OVCH2: variants seen among roughly 807,000 people sequenced by gnomAD.
OVCH2 encodes the protein ovochymase-2.
OVCH2 carries 88 observed loss-of-function variants against 73.7 expected under a neutral mutation model. The ratio of observed to expected loss-of-function variants is 1.19; its 90% CI spans 1.01 to 1.43. The LOEUF is 1.43. Among genes scored for constraint, OVCH2 ranks in the 40% most tolerant of loss-of-function variants. OVCH2 has a pLI of 0.00. For synonymous variants in OVCH2, 265 were observed against 234.5 expected, an observed-to-expected ratio of 1.13 and a Z score of -1.19; for missense variants, 706 against 674.5, an observed-to-expected ratio of 1.05 and a Z score of -0.52.
In OVCH2 at chr11:7,696,744, G is replaced by A. The variant is rs749460378; in HGVS notation, c.981C>T (p.Phe327=). 6.2e-7 allele frequency: 1 copy of A among 1,613,272 alleles called. No individual in the cohort carries two copies. The highest frequency in any genetic ancestry group is 8.5e-7 in the Non-Finnish European group (1 of 1,179,616). The change falls in exon 9 of 16, where the codon TTC becomes TTT. Residue 327 remains phenylalanine (F), a synonymous_variant. Coordinates refer to ENST00000533663, the MANE Select transcript of OVCH2 (RefSeq NM_198185.7). The stretch of plus-strand genomic sequence containing the variant: ...CATAATATAGGTGGAGGCTTTCTGG[G>A]AAGTGCAGCTTCCCCTCAGCCCCGC... ...IVSGAEGKLH[F]PESLHLYYES...
At chr11:7,686,576 A>G (rs935383383), downstream of OVCH2, among the ~76,000 whole-genome samples, 1 of 152,206 alleles carries the variant, frequency 6.6e-6, no homozygotes, top group Non-Finnish European at 1.5e-5. Context: ...AGAGAAAAAG[A>G]AGCACTCATT....
At chr11:7,685,385 T>C (rs745403604), downstream of OVCH2, among the ~76,000 whole-genome samples, 5 of 152,176 alleles carry the variant, frequency 3.3e-5, no homozygotes, top group Non-Finnish European at 7.3e-5. Context: ...TAAGTGGAAC[T>C]TGGGTGTTAT....
chr11:7,701,589 T>C, intron 5 of OVCH2, 114 bp from the exon 6 acceptor site: 3 of 1,467,610 alleles, frequency 2.0e-6, no homozygotes, highest in Non-Finnish European at 1.8e-6. Flanking sequence ...AAGTACAATG[T>C]GACATTCCCT....
At chr11:7,690,833 C>T (rs1856206614) in intron 14 of OVCH2, among the ~76,000 whole-genome samples, 1 of 152,016 alleles carries the variant, frequency 6.6e-6, no homozygotes, top group African/African-American at 2.4e-5. Context: ...TGGCCCCAAG[C>T]ATAGTGCTGA....
intron 12 of OVCH2, among the ~76,000 whole-genome samples, chr11:7,692,926 A>G (rs1464643311): frequency 1.3e-5 from 2 of 152,202 alleles, no homozygotes; most frequent in Non-Finnish European, 2.9e-5. Flanking sequence ...TTGCTATCTT[A>G]AAAACTTGGC....
chr11:7,700,773 C>G (rs1420171625), intron 6 of OVCH2, among the ~76,000 whole-genome samples: 1 of 152,104 alleles, frequency 6.6e-6, no homozygotes, highest in African/African-American at 2.4e-5. Context: ...GAAGTCTTGG[C>G]CAGCAATGAG....
chr11:7,696,952 G>A (rs1275086602), intron 8 of OVCH2, 153 bp from the exon 9 acceptor site: 1 of 681,826 alleles, frequency 1.5e-6, no homozygotes, highest in East Asian at 2.7e-5. Flanking sequence ...CTTCTATGAT[G>A]CCTTTTTGGT....
chr11:7,704,476 C>A, intron 2 of OVCH2, 89 bp downstream of exon 2: 2 of 854,316 alleles, frequency 2.3e-6, no homozygotes, highest in South Asian at 1.9e-5. Context: ...AGGCTGTAGG[C>A]TCCTCAAAGA....
intron 15 of OVCH2, 35 bp from the exon 16 acceptor site, chr11:7,689,637 A>G (rs894109197): frequency 5.9e-6 from 3 of 507,576 alleles, no homozygotes; most frequent in Non-Finnish European, 1.1e-5. Flanking sequence ...CTCTGCCTTC[A>G]TCATTACACG....
intron 8 of OVCH2, among the ~76,000 whole-genome samples, chr11:7,697,284 C>T (rs1856356014): frequency 6.6e-6 from 1 of 152,224 alleles, no homozygotes; most frequent in Non-Finnish European, 1.5e-5. Context: ...TCAAGCGATC[C>T]TCCCACCTGA....
At chr11:7,687,559 T>C (rs143267590), downstream of OVCH2, among the ~76,000 whole-genome samples, 1,619 of 152,122 alleles carry the variant, frequency 0.011, 27 homozygotes, top group African/African-American at 0.037. Context: ...TCACCTCCCA[T>C]TCACTCTCTA....
chr11:7,681,125 G>T, the OVCH2 span, among the ~76,000 whole-genome samples: 1 of 152,148 alleles, frequency 6.6e-6, no homozygotes, highest in African/African-American at 2.4e-5. Context: ...AAAGAGGCTC[G>T]GAGGACTAGT....
In OVCH2 at chr11:7,703,273, A is replaced by T. The variant is rs376202641; in HGVS notation, c.290+425T>A. Among the ~76,000 whole-genome samples, 401 of 152,316 alleles carry T rather than the reference A, an allele frequency of 2.6e-3. 3 individuals carry two copies. Among genetic ancestry groups the T allele is most frequent in the African/African-American group, 9.3e-3 (385 of 41,578 alleles). Reference sequence around the variant, plus strand: ...TTGGGTTGAGTCCCAGAGAGGCAGGATCAATGGGAAGGAAGACAGGGAGCC... The same window carrying T: ...TTGGGTTGAGTCCCAGAGAGGCAGGTTCAATGGGAAGGAAGACAGGGAGCC... On this transcript the variant is annotated intron_variant, in intron 3 of 15. Coordinates refer to ENST00000533663, the MANE Select transcript of OVCH2 (RefSeq NM_198185.7).
chr11:7,700,005 G>A, intron 7 of OVCH2: 1 of 316,558 alleles, frequency 3.2e-6, no homozygotes. Flanking sequence ...ATCCAGAGAA[G>A]TAAGTGGTGA....
At position 7,689,935 on chromosome 11, in the gene OVCH2, G is replaced by T; in HGVS notation, c.*20C>A. On this transcript the variant is annotated 3_prime_UTR_variant, in exon 15 of 16. Coordinates refer to ENST00000533663, the MANE Select transcript of OVCH2 (RefSeq NM_198185.7). Reference sequence around the variant, plus strand: ...CCAAAACAGCTTACCAGAAACATTGGTTTCTCCATTTGGCACATCTCATGT... The same window carrying T: ...CCAAAACAGCTTACCAGAAACATTGTTTTCTCCATTTGGCACATCTCATGT... 1 of 1,506,818 alleles carries T rather than the reference G, an allele frequency of 6.6e-7. No homozygotes were observed. The highest frequency in any genetic ancestry group is 8.9e-7 in the Non-Finnish European group (1 of 1,120,452). 93.3% of individuals were successfully genotyped at this position (1,506,818 alleles called of 1,614,324 possible).
At chr11:7,685,565 A>G (rs936236155), downstream of OVCH2, among the ~76,000 whole-genome samples, 1 of 150,646 alleles carries the variant, frequency 6.6e-6, no homozygotes, top group African/African-American at 2.5e-5. Context: ...TCCAGACCCA[A>G]TCCTTCTCTC....
Position 7,701,842 on chromosome 11 carries a change from CA to C in OVCH2, c.464-32del, listed in dbSNP as rs771444289. The C allele has an allele frequency of 1.6e-4, 245 of 1,562,684 alleles. 1 individual carries two copies. The highest frequency in any genetic ancestry group is 1.5e-4 in the South Asian group (13 of 86,008). On this transcript the variant is annotated intron_variant, in intron 4 of 15. Coordinates refer to ENST00000533663, the MANE Select transcript of OVCH2 (RefSeq NM_198185.7). ...GAAAAGAGCAAGGTAGGGCTTGTCT[CA>C]TTCATGGAGGAGAGGACACTATAAG...
chr11:7,695,659 G>C lies in OVCH2; in HGVS notation c.1193C>G (p.Ser398Cys), dbSNP rs1331234901. 1.3e-5 allele frequency: 21 copies of C among 1,598,148 alleles called. No homozygotes were observed. The highest frequency in any genetic ancestry group is 1.4e-5 in the Non-Finnish European group (17 of 1,179,452). The change falls in exon 11 of 16, where the codon TCT becomes TGT. Residue 398 changes from serine (S) to cysteine (C), a missense_variant. Coordinates refer to ENST00000533663, the MANE Select transcript of OVCH2 (RefSeq NM_198185.7). The stretch of plus-strand genomic sequence containing the variant: ...ATCAGAGACGAATTTCAGCCTTAGA[G>C]AATTAGAGCCAATAAGAATGGATGA... The part of the protein sequence containing the change: ...LPSSILIGSN[S>C]LRLKFVSDAT...
downstream of OVCH2, among the ~76,000 whole-genome samples, chr11:7,688,538 G>A (rs10734622): frequency 0.66 from 100,939 of 151,948 alleles, 34,283 homozygotes; most frequent in East Asian, 0.74. Context: ...CCAGAACAAA[G>A]AGACCCCAAC....
Sources: allele counts gnomAD v4.1 joint callset (sites outside exome capture counted in the v4.1 genomes callset), GRCh38; gene constraint gnomAD v4.1.1; transcripts MANE v1.5; gene names NCBI Gene and HGNC (gene_info 2026-07-23, HGNC 2026-07-21).